CNTN5: variants seen among roughly 807,000 people sequenced by gnomAD.
CNTN5 encodes contactin 5.
A neutral mutation model predicts 129.1 loss-of-function variants in CNTN5; 77 were observed. The observed-to-expected ratio is 0.60, with a 90% CI of 0.50 to 0.72. The LOEUF (loss-of-function observed/expected upper bound fraction) is 0.72, where lower values mean the gene tolerates loss of function less well. Among genes scored for constraint, CNTN5 ranks in the 30% least tolerant of loss-of-function variants. The probability of loss-of-function intolerance (pLI) is 0.00; values close to 1 mark genes in which losing one functional copy is unlikely to be tolerated. For missense variants in CNTN5, 1,478 were observed against 1,328.8 expected (o/e 1.11, Z -1.75); for synonymous variants, 509 against 465.6 (o/e 1.09, Z -1.20).
intron 13 of CNTN5, among the ~76,000 whole-genome samples, chr11:100,154,673 C>G (rs1947176471): frequency 1.3e-5 from 2 of 152,134 alleles, no homozygotes; most frequent in South Asian, 4.1e-4. Context: ...TCCACATCCT[C>G]TCTAGTATCT....
intron 18 of CNTN5, among the ~76,000 whole-genome samples, chr11:100,285,589 A>C (rs1164072019): frequency 6.6e-6 from 1 of 152,250 alleles, no homozygotes; most frequent in Non-Finnish European, 1.5e-5. Context: ...GAGGAAAAGA[A>C]GTGTTGAATG....
In CNTN5 at chr11:100,356,155, C is replaced by T. The variant is rs1318774232; in HGVS notation, c.3238C>T (p.Leu1080Phe). The T allele has an allele frequency of 6.2e-7, 1 of 1,610,510 alleles. No individual in the cohort carries two copies. The highest frequency in any genetic ancestry group is 8.5e-7 in the Non-Finnish European group (1 of 1,178,076). ...AAGTGCACAGTCGACCCTTCACTCTCTCTCCACATCTTCGTCATCAGTCAC... is the reference window on the plus strand; with the variant it reads ...AAGTGCACAGTCGACCCTTCACTCTTTCTCCACATCTTCGTCATCAGTCAC... ...ITSAQSTLHS[L>F]STSSSSVTLL... The change falls in exon 25 of 25, where the codon CTC becomes TTC. Residue 1080 changes from leucine (L) to phenylalanine (F), a missense_variant. By Grantham distance (22) the Leu-to-Phe change is conservative. Transcript: ENST00000524871.
At chr11:99,347,911 G>A (rs534856778) in intron 2 of CNTN5, among the ~76,000 whole-genome samples, 1 of 152,178 alleles carries the variant, frequency 6.6e-6, no homozygotes, top group African/African-American at 2.4e-5. Context: ...ATACGATCAA[G>A]GTGTAAAGTT....
chr11:99,246,003 A>T lies in CNTN5; in HGVS notation c.-209-79343A>T, dbSNP rs1861795622. Among the ~76,000 whole-genome samples, 2 of 152,154 alleles carry T rather than the reference A, an allele frequency of 1.3e-5. 1 individual carries two copies. Among genetic ancestry groups the T allele is most frequent in the South Asian group, 4.1e-4 (2 of 4,828 alleles). On this transcript the variant is annotated intron_variant, in intron 1 of 24. Transcript: ENST00000524871. ...TGGGACTATGTTGTTTCCTTGAGTTATGTTACAAGCAGTGACATGAACTTA... is the reference window on the plus strand; with the variant it reads ...TGGGACTATGTTGTTTCCTTGAGTTTTGTTACAAGCAGTGACATGAACTTA...
At chr11:99,836,592 A>G (rs931163422) in intron 4 of CNTN5, among the ~76,000 whole-genome samples, 1 of 152,074 alleles carries the variant, frequency 6.6e-6, no homozygotes, top group Non-Finnish European at 1.5e-5. Flanking sequence ...GAATAGTGCC[A>G]CAGTAAACAT....
At chr11:99,121,997 A>G (rs1199550186) in intron 1 of CNTN5, among the ~76,000 whole-genome samples, 1 of 151,280 alleles carries the variant, frequency 6.6e-6, no homozygotes, top group Non-Finnish European at 1.5e-5. Context: ...ATATATTTTT[A>G]TTATACTTTA....
chr11:99,593,991 A>G (rs1388409637), intron 3 of CNTN5, among the ~76,000 whole-genome samples: 1 of 152,172 alleles, frequency 6.6e-6, no homozygotes, highest in African/African-American at 2.4e-5. Flanking sequence ...TGGTGTTGTT[A>G]GGGATTTTTC....
chr11:100,137,018 C>T (rs1307725139), intron 13 of CNTN5, among the ~76,000 whole-genome samples: 1 of 151,650 alleles, frequency 6.6e-6, no homozygotes, highest in East Asian at 1.9e-4. Context: ...TGTATGTTTA[C>T]ATATATGTAA....
At position 99,813,261 on chromosome 11, in the gene CNTN5, C is replaced by T. The variant is rs989009255; in HGVS notation, c.56-6283C>T. Reference sequence around the variant, plus strand: ...TCTGGTCCAGACCCCATCAGAGCATCACTCAATATTTCTATTTCACTGAGC... The same window carrying T: ...TCTGGTCCAGACCCCATCAGAGCATTACTCAATATTTCTATTTCACTGAGC... On this transcript the variant is annotated intron_variant, in intron 3 of 24. Transcript: ENST00000524871. 4.6e-5 allele frequency among the ~76,000 whole-genome samples: 7 copies of T among 152,124 alleles called. 1 individual carries two copies. Among genetic ancestry groups the T allele is most frequent in the Admixed American group, 2.6e-4 (4 of 15,248 alleles).
chr11:99,890,125 A>G (rs1949018985), intron 6 of CNTN5, among the ~76,000 whole-genome samples: 1 of 152,172 alleles, frequency 6.6e-6, no homozygotes, highest in Admixed American at 6.5e-5. Flanking sequence ...AATGGGCAAT[A>G]TATTTGACAT....
At chr11:99,176,867 C>T (rs1239875536) in intron 1 of CNTN5, among the ~76,000 whole-genome samples, 1 of 152,168 alleles carries the variant, frequency 6.6e-6, no homozygotes, top group Non-Finnish European at 1.5e-5. Context: ...TGCTTAAATT[C>T]TTCAGTGACT....
At chr11:99,286,611 C>T (rs1802857896) in intron 1 of CNTN5, among the ~76,000 whole-genome samples, 1 of 152,090 alleles carries the variant, frequency 6.6e-6, no homozygotes, top group African/African-American at 2.4e-5. Flanking sequence ...AATTTTAGGT[C>T]AGTAGATATC....
chr11:99,894,752 C>G (rs1949160321), intron 6 of CNTN5, among the ~76,000 whole-genome samples: 1 of 151,932 alleles, frequency 6.6e-6, no homozygotes, highest in Non-Finnish European at 1.5e-5. Flanking sequence ...CAAGTGCTAG[C>G]TATGATAATT....
chr11:99,813,786 G>T (rs1388183060), intron 3 of CNTN5, among the ~76,000 whole-genome samples: 1 of 152,180 alleles, frequency 6.6e-6, no homozygotes, highest in South Asian at 2.1e-4. Context: ...AAAGGAAAAA[G>T]AAATAACTGT....
rs548116622 is a variant in CNTN5 at position 100,025,646 on chromosome 11, A to G, written c.980+23510A>G. On this transcript the variant is annotated intron_variant, in intron 9 of 24. Transcript: ENST00000524871. ...CACAGGGGTGAAGCTGCCCAACACC[A>G]TGGGAACCCACCTTTTGCTTCAGCA... is the stretch of plus-strand genomic sequence containing the variant. Among the ~76,000 whole-genome samples the G allele has an allele frequency of 3.9e-5, 6 of 152,334 alleles. No individual in the cohort carries two copies. The South Asian group carries it at 1.0e-3, about 26-fold the overall frequency.
At chr11:99,528,875 C>T (rs144496627) in intron 2 of CNTN5, among the ~76,000 whole-genome samples, 46 of 149,524 alleles carry the variant, frequency 3.1e-4, no homozygotes, top group East Asian at 1.6e-3. Flanking sequence ...AACAGCCTGA[C>T]CAACATGGAG....
chr11:99,938,051 T>A lies in CNTN5; in HGVS notation c.674-18755T>A, dbSNP rs781187592. On this transcript the variant is annotated intron_variant, in intron 7 of 24. Coordinates refer to ENST00000524871, the MANE Select transcript of CNTN5 (RefSeq NM_014361.4). ...ATCATGCGAATAGGCTCTAAAGCTT[T>A]TAAAATATATATTCTCTATTCTAAG... 2.2e-4 allele frequency among the ~76,000 whole-genome samples: 33 copies of A among 152,212 alleles called. 1 individual carries two copies. The highest frequency in any genetic ancestry group is 7.3e-5 in the Non-Finnish European group (5 of 68,038).
At chr11:99,902,028 A>T (rs745432811) in intron 6 of CNTN5, among the ~76,000 whole-genome samples, 3 of 152,184 alleles carry the variant, frequency 2.0e-5, no homozygotes, top group Admixed American at 1.3e-4. Context: ...ATGTAATTCA[A>T]ATCCATGTCT....
intron 15 of CNTN5, among the ~76,000 whole-genome samples, chr11:100,220,187 G>A (rs1949231808): frequency 6.6e-6 from 1 of 151,984 alleles, no homozygotes; most frequent in Non-Finnish European, 1.5e-5. Flanking sequence ...TAAGGCAGGA[G>A]AATGGTGCGA....
Sources: gnomAD v4.1 joint callset for allele counts (sites outside exome capture counted in the v4.1 genomes callset) on GRCh38, gnomAD v4.1.1 for gene constraint, MANE v1.5 for transcripts, NCBI Gene and HGNC (gene_info 2026-07-23, HGNC 2026-07-21) for gene names.